Variants in UROC1 observed in about 807,000 individuals in gnomAD.
UROC1 encodes the protein urocanate hydratase.
A neutral mutation model predicts 89.5 loss-of-function variants in UROC1; 79 were observed. That is an observed-to-expected ratio of 0.88 (90% CI 0.74 to 1.06). The LOEUF is 1.06. Among genes scored for constraint, UROC1 ranks in the 50% least tolerant of loss-of-function variants. UROC1 has a pLI of 0.00. For missense variants in UROC1, 885 were observed against 907.8 expected (o/e 0.97, Z 0.32); for synonymous variants, 361 against 354.8 (o/e 1.02, Z -0.20).
At chr3:126,503,200 T>C (rs986309621) in intron 9 of UROC1, among the ~76,000 whole-genome samples, 3 of 152,164 alleles carry the variant, frequency 2.0e-5, no homozygotes, top group African/African-American at 7.2e-5. Context: ...TGTGGTTGGA[T>C]TGGTATGTTA....
At chr3:126,493,017 C>A (rs1935689888) in intron 15 of UROC1, among the ~76,000 whole-genome samples, 1 of 152,104 alleles carries the variant, frequency 6.6e-6, no homozygotes, top group Non-Finnish European at 1.5e-5. Flanking sequence ...GAGGAAATGG[C>A]CCCAAGAGGT....
chr3:126,517,548 G>C (rs375225904), intron 1 of UROC1, 46 bp downstream of exon 1: 1 of 1,612,100 alleles, frequency 6.2e-7, no homozygotes, highest in African/African-American at 1.3e-5. Context: ...ACCACCTGGA[G>C]GATGCCTAGA....
In UROC1 at chr3:126,496,068, G is replaced by A. The variant is rs1935769074; in HGVS notation, c.1479C>T (p.Arg493=). ...GGTGCCTGGCGGCCTCCCGGATCCAGCGGATGTTGTCCATGTACTGCAGCT... is the reference window on the plus strand; with the variant it reads ...GGTGCCTGGCGGCCTCCCGGATCCAACGGATGTTGTCCATGTACTGCAGCT... ...SVKLQYMDNI[R]WIREAARHRL... The change falls in exon 15 of 20, where the codon CGC becomes CGT. Residue 493 remains arginine (R), a synonymous_variant. Transcript: ENST00000290868. 1 of 1,613,484 alleles carries A rather than the reference G, an allele frequency of 6.2e-7. No homozygotes were observed. The highest frequency in any genetic ancestry group is 8.5e-7 in the Non-Finnish European group (1 of 1,180,004).
chr3:126,515,512 A>ACC (rs1936284681), intron 1 of UROC1, among the ~76,000 whole-genome samples: 1 of 113,872 alleles, frequency 8.8e-6, no homozygotes, highest in Admixed American at 8.9e-5. Context: ...ACTCCCCAGT[A>ACC]CCCACCACCT....
At chr3:126,489,469 G>T in intron 16 of UROC1, 94 bp from the exon 17 acceptor site, 2 of 972,028 alleles carry the variant, frequency 2.1e-6, no homozygotes, top group Non-Finnish European at 3.3e-6. Flanking sequence ...ACCAGAACCC[G>T]CTGGATTTCT....
intron 18 of UROC1, among the ~76,000 whole-genome samples, chr3:126,484,304 C>T (rs533927031): frequency 3.4e-4 from 52 of 152,282 alleles, no homozygotes; most frequent in African/African-American, 1.2e-3. Flanking sequence ...ATGACCTTCC[C>T]CATCCTCAGC....
rs764248135 is a variant in UROC1, at chr3:126,500,847, C to T, written c.993G>A (p.Thr331=). The T allele has an allele frequency of 2.3e-5, 37 of 1,613,764 alleles. No homozygotes were observed. Among genetic ancestry groups the T allele is most frequent in the Admixed American group, 6.7e-5 (4 of 60,000 alleles). ...CCAGGTCCACCAAGCACTCCCCCGT[C>T]GTGTCCAATTCGTGGACCAGGCGCT... is the stretch of plus-strand genomic sequence containing the variant. ...LWERLVHELD[T]TGECLVDLGS... The change falls in exon 11 of 20, where the codon ACG becomes ACA. Residue 331 remains threonine (T), a synonymous_variant. Transcript: ENST00000290868.
At chr3:126,493,107 T>C (rs1220907667) in intron 15 of UROC1, among the ~76,000 whole-genome samples, 2 of 152,070 alleles carry the variant, frequency 1.3e-5, no homozygotes, top group Non-Finnish European at 2.9e-5. Flanking sequence ...AGTGATCGCA[T>C]CTCCTGACAG....
chr3:126,513,716 T>C (rs1254939538), intron 1 of UROC1, among the ~76,000 whole-genome samples: 2 of 152,244 alleles, frequency 1.3e-5, no homozygotes, highest in Non-Finnish European at 2.9e-5. Context: ...GCCTCCATGC[T>C]GCCCATTCTT....
intron 19 of UROC1, 47 bp downstream of exon 19, chr3:126,483,322 G>C (rs375508800): frequency 4.8e-5 from 74 of 1,539,234 alleles, no homozygotes; most frequent in Non-Finnish European, 6.6e-5. Flanking sequence ...GGATCACCCA[G>C]CTGAAGGCCC....
chr3:126,509,384 CCTGGTTTTGAGG>C (rs1936145790), intron 3 of UROC1, among the ~76,000 whole-genome samples, 189 bp downstream of exon 3: 1 of 152,132 alleles, frequency 6.6e-6, no homozygotes, highest in South Asian at 2.1e-4. Flanking sequence ...ACAGTGACTT[CCTGGTTTTGAGG>C]CTGTACTATA....
In UROC1 at chr3:126,507,851, C is replaced by T. The variant is rs11914807; in HGVS notation, c.541-48G>A. 21,066 of 1,613,234 alleles carry T rather than the reference C, an allele frequency of 0.013. 1,624 individuals are homozygous for T. In the African/African-American group the frequency reaches 0.2, roughly 16 times the overall value. Reference sequence around the variant, plus strand: ...ACAGAGGGGCTGAGGGCTTGGAGGGCGAGCACAGAGCCCTGGGGATGATGC... The same window carrying T: ...ACAGAGGGGCTGAGGGCTTGGAGGGTGAGCACAGAGCCCTGGGGATGATGC... On this transcript the variant is annotated intron_variant, in intron 5 of 19. Transcript: ENST00000290868.
chr3:126,514,339 G>A (rs1455185581), intron 1 of UROC1, among the ~76,000 whole-genome samples: 1 of 152,168 alleles, frequency 6.6e-6, no homozygotes, highest in Non-Finnish European at 1.5e-5. Context: ...GTCGATTTGG[G>A]GAAAAGGTCA....
intron 15 of UROC1, among the ~76,000 whole-genome samples, chr3:126,495,038 C>T (rs910029779): frequency 3.9e-5 from 6 of 152,144 alleles, no homozygotes; most frequent in East Asian, 3.9e-4. Flanking sequence ...GCTGAGGATA[C>T]GGGAGGCTTC....
At chr3:126,484,946 T>C (rs1288406810) in intron 18 of UROC1, among the ~76,000 whole-genome samples, 1 of 152,184 alleles carries the variant, frequency 6.6e-6, no homozygotes, top group East Asian at 1.9e-4. Flanking sequence ...GAAGCCTGCA[T>C]CCCAGAGGGT....
intron 18 of UROC1, among the ~76,000 whole-genome samples, chr3:126,484,556 C>G (rs1481779623): frequency 6.6e-6 from 1 of 152,220 alleles, no homozygotes; most frequent in Non-Finnish European, 1.5e-5. Context: ...CCAGCTTTCC[C>G]TGCTTCTCTG....
At position 126,510,744 on chromosome 3, in the gene UROC1, C is replaced by A; in HGVS notation, c.177G>T (p.Leu59=). The change falls in exon 2 of 20, where the codon CTG becomes CTT. Residue 59 remains leucine, a synonymous_variant. Coordinates refer to ENST00000290868, the MANE Select transcript of UROC1 (RefSeq NM_144639.3). ...LRYFPPDVQE[L]LAPEFAQELQ... is the part of the protein sequence containing the mutation. ...GCTCCTGGGCAAACTCTGGGGCCAG[C>A]AGCTCCTGGACATCCGGGGGGAAGT... is the stretch of plus-strand genomic sequence containing the variant. 1.2e-6 allele frequency: 2 copies of A among 1,614,150 alleles called. No homozygotes were observed. The highest frequency in any genetic ancestry group is 1.7e-6 in the Non-Finnish European group (2 of 1,180,042).
At chr3:126,500,665 G>A in intron 11 of UROC1, 30 bp downstream of exon 11, 1 of 1,613,956 alleles carries the variant, frequency 6.2e-7, no homozygotes, top group Non-Finnish European at 8.5e-7. Flanking sequence ...CAGGCCAAAT[G>A]CTTCTGCCAC....
Position 126,488,191 on chromosome 3 carries a change from T to A in UROC1, c.1790+7A>T, listed in dbSNP as rs1935558774. 6.2e-7 allele frequency: 1 copy of A among 1,614,208 alleles called. No individual in the cohort carries two copies. Among genetic ancestry groups the A allele is most frequent in the Non-Finnish European group, 8.5e-7 (1 of 1,180,030 alleles). On this transcript the variant is annotated splice_region_variant and intron_variant, in intron 18 of 19. Coordinates refer to ENST00000290868, the MANE Select transcript of UROC1 (RefSeq NM_144639.3). ...AGCCCACACCCTGTCCTCTGAAACCTTCTTACCAGCCCACGCCCCCTCCGT... is the reference window on the plus strand; with the variant it reads ...AGCCCACACCCTGTCCTCTGAAACCATCTTACCAGCCCACGCCCCCTCCGT...
Sources: gnomAD v4.1 joint callset for allele counts (sites outside exome capture counted in the v4.1 genomes callset) on GRCh38, gnomAD v4.1.1 for gene constraint, MANE v1.5 for transcripts, NCBI Gene and HGNC (gene_info 2026-07-23, HGNC 2026-07-21) for gene names.